CYP1A1: variants seen among roughly 807,000 people sequenced by gnomAD.
CYP1A1 encodes cytochrome P450 family 1 subfamily A member 1.
In CYP1A1, 43 loss-of-function variants were observed where a neutral mutation model predicts 33.6. That is an observed-to-expected ratio of 1.28 (90% CI 1.00 to 1.65). The LOEUF (loss-of-function observed/expected upper bound fraction) is 1.65. Ranked by LOEUF, CYP1A1 falls within the 40% of genes most tolerant of loss-of-function variation. CYP1A1 has a pLI of 0.00. For missense variants in CYP1A1, 637 were observed against 653.7 expected (o/e 0.97, Z 0.28); for synonymous variants, 280 against 257.8 (o/e 1.09, Z -0.83).
Position 74,721,404 on chromosome 15 carries a change from C to T in CYP1A1, c.1042+10G>A. The T allele has an allele frequency of 6.2e-7, 1 of 1,614,168 alleles. No homozygotes were observed. The highest frequency in any genetic ancestry group is 8.5e-7 in the Non-Finnish European group (1 of 1,180,004). ...TGGCACTGACCCCTTTGAAGGGAGC[C>T]ACTACCTACCTAGCTCCTCTTGGAT... is the stretch of plus-strand genomic sequence containing the variant. On this transcript the variant is annotated intron_variant, in intron 4 of 6. Coordinates refer to ENST00000379727, the MANE Select transcript of CYP1A1 (RefSeq NM_001319217.2).
At chr15:74,722,046 T>A (rs907497652) in intron 2 of CYP1A1, 8 of 596,762 alleles carry the variant, frequency 1.3e-5, no homozygotes, top group African/African-American at 1.3e-4. Flanking sequence ...CTGCATGTAA[T>A]GACTCTTCAG....
rs2141718103 is a variant in CYP1A1, at chr15:74,723,106, T to C, written c.-9A>G. The C allele has an allele frequency of 1.3e-6, 2 of 1,542,584 alleles. No homozygotes were observed. Among genetic ancestry groups the C allele is most frequent in the Middle Eastern group, 1.7e-4 (1 of 5,766 alleles). The stretch of plus-strand genomic sequence containing the variant: ...GAGATTGGGAAAAGCATGATCAGTG[T>C]AGGGATCTTGGAGGTGGCTGCTGAG... On this transcript the variant is annotated 5_prime_UTR_variant, in exon 2 of 7. Transcript: ENST00000379727.
intron 6 of CYP1A1, 76 bp downstream of exon 6, chr15:74,720,891 A>G: frequency 6.4e-7 from 1 of 1,565,824 alleles, no homozygotes; most frequent in Non-Finnish European, 8.8e-7. Flanking sequence ...AGGAGGATCA[A>G]TGCAATGATT....
Position 74,721,580 on chromosome 15 carries a change from G to A in CYP1A1, c.952+11C>T, listed in dbSNP as rs2141715430. ...CTTGAGCACAGGAAGGACACAATGG[G>A]GTAACCATACCAGCTCCAAAGAGGT... On this transcript the variant is annotated intron_variant, in intron 3 of 6. Coordinates refer to ENST00000379727, the MANE Select transcript of CYP1A1 (RefSeq NM_001319217.2). The A allele has an allele frequency of 6.2e-7, 1 of 1,614,132 alleles. No individual in the cohort carries two copies. The highest frequency in any genetic ancestry group is 2.2e-5 in the East Asian group (1 of 44,892).
chr15:74,723,650 G>C (rs1357790250), intron 1 of CYP1A1, among the ~76,000 whole-genome samples: 2 of 152,008 alleles, frequency 1.3e-5, no homozygotes, highest in Non-Finnish European at 2.9e-5. Flanking sequence ...CATAATCAAG[G>C]TGTATCACCC....
At position 74,722,551 on chromosome 15, in the gene CYP1A1, G is replaced by T; in HGVS notation, c.547C>A (p.His183Asn). ...TLQELMAGPG[H>N]FNPYRYVVVS... ...ACCACATACCTGTAGGGGTTAAAGTGCCCAGGCCCTGCCATCAGCTCCTGC... is the reference window on the plus strand; with the variant it reads ...ACCACATACCTGTAGGGGTTAAAGTTCCCAGGCCCTGCCATCAGCTCCTGC... Residue 183 changes from histidine (H) to asparagine (N), a missense_variant, in exon 2 of 7, where the codon CAC becomes AAC. By Grantham distance (68) the His-to-Asn change is moderately conservative. Transcript: ENST00000379727. 1 of 1,613,954 alleles carries T rather than the reference G, an allele frequency of 6.2e-7. No individual in the cohort carries two copies. Among genetic ancestry groups the T allele is most frequent in the Non-Finnish European group, 8.5e-7 (1 of 1,179,974 alleles).
In CYP1A1 at chr15:74,720,586, C is replaced by G. The variant is rs1330666981; in HGVS notation, c.1442G>C (p.Ser481Thr). 4 of 1,613,778 alleles carry G rather than the reference C, an allele frequency of 2.5e-6. No individual in the cohort carries two copies. The highest frequency in any genetic ancestry group is 3.4e-6 in the Non-Finnish European group (4 of 1,179,886). The change falls in exon 7 of 7, where the codon AGC becomes ACC. Residue 481 changes from serine (S) to threonine (T), a missense_variant. Transcript: ENST00000379727. ...LAILLQRVEFSVPLGVKVDMT... is the reference protein window; with the variant it reads ...LAILLQRVEFTVPLGVKVDMT... ...GTCCACCTTCACGCCCAGTGGCACG[C>G]TGAATTCCACCCGTTGCAGCAGGAT...
At chr15:74,723,790 C>T (rs972032812) in intron 1 of CYP1A1, among the ~76,000 whole-genome samples, 3 of 152,158 alleles carry the variant, frequency 2.0e-5, no homozygotes, top group African/African-American at 7.2e-5. Context: ...CAATCAGTGA[C>T]AGAGCCAGGA....
intron 5 of CYP1A1, 41 bp from the exon 6 acceptor site, chr15:74,721,094 C>T (rs768538462): frequency 1.2e-5 from 20 of 1,611,512 alleles, no homozygotes; most frequent in Non-Finnish European, 1.4e-5. Context: ...GGGCAACAGG[C>T]AAATCTCCCT....
intron 1 of CYP1A1, among the ~76,000 whole-genome samples, chr15:74,724,270 G>A (rs2063197330): frequency 6.6e-6 from 1 of 152,102 alleles, no homozygotes; most frequent in Admixed American, 6.5e-5. Context: ...GGAAACTGAG[G>A]CAATACTTTC....
At chr15:74,721,144 T>C in intron 5 of CYP1A1, 55 bp downstream of exon 5, 1 of 1,608,166 alleles carries the variant, frequency 6.2e-7, no homozygotes, top group African/African-American at 1.3e-5. Flanking sequence ...CCTAATCAGG[T>C]ATGTGGTCCG....
At chr15:74,723,205 G>T in intron 1 of CYP1A1, 79 bp from the exon 2 acceptor site, 1 of 818,684 alleles carries the variant, frequency 1.2e-6, no homozygotes, top group Non-Finnish European at 1.9e-6. Flanking sequence ...GAGTGTCAGG[G>T]AAAGGGGAAA....
rs199985203 is a variant in CYP1A1 at position 74,722,525 on chromosome 15, C to T, written c.573G>A (p.Val191=). The change falls in exon 2 of 7, where the codon GTG becomes GTA. Residue 191 remains valine (V), a synonymous_variant. Coordinates refer to ENST00000379727, the MANE Select transcript of CYP1A1 (RefSeq NM_001319217.2). ...PGHFNPYRYV[V]VSVTNVICAI... ...CACAGATGACATTGGTCACTGATAC[C>T]ACCACATACCTGTAGGGGTTAAAGT... 3.1e-6 allele frequency: 5 copies of T among 1,614,116 alleles called. No individual in the cohort carries two copies. In the African/African-American group the frequency reaches 5.3e-5, roughly 17 times the overall value.
Position 74,722,795 on chromosome 15 carries a change from A to T in CYP1A1, c.303T>A (p.Asp101Glu), listed in dbSNP as rs1243352948. 4 of 1,613,110 alleles carry T rather than the reference A, an allele frequency of 2.5e-6. No individual in the cohort carries two copies. Among genetic ancestry groups the T allele is most frequent in the Non-Finnish European group, 3.4e-6 (4 of 1,179,852 alleles). ...TIRQALVRQGDDFKGRPDLYT... is the reference protein window; with the variant it reads ...TIRQALVRQGEDFKGRPDLYT... ...AGAGGTCGGGCCGGCCCTTGAAATC[A>T]TCGCCCTGCCGCACCAGGGCCTGCC... Residue 101 changes from aspartate (D) to glutamate (E), a missense_variant, in exon 2 of 7, where the codon GAT (aspartate) becomes GAA (glutamate). Asp to Glu is a conservative substitution (Grantham distance 45). Transcript: ENST00000379727.
intron 2 of CYP1A1, 119 bp from the exon 3 acceptor site, chr15:74,721,836 T>A: frequency 7.5e-7 from 1 of 1,337,384 alleles, no homozygotes. Flanking sequence ...CCCCTGAGGC[T>A]GTTGTCCCAG....
At position 74,722,557 on chromosome 15, in the gene CYP1A1, G is replaced by A. The variant is rs1368696580; in HGVS notation, c.541C>T (p.Pro181Ser). Residue 181 changes from proline to serine, a missense_variant, in exon 2 of 7, where the codon CCT becomes TCT. Transcript: ENST00000379727. ...ISTLQELMAG[P>S]GHFNPYRYVV... ...TACCTGTAGGGGTTAAAGTGCCCAGGCCCTGCCATCAGCTCCTGCAACGTG... is the reference window on the plus strand; with the variant it reads ...TACCTGTAGGGGTTAAAGTGCCCAGACCCTGCCATCAGCTCCTGCAACGTG... 1 of 1,614,186 alleles carries A rather than the reference G, an allele frequency of 6.2e-7. No individual in the cohort carries two copies. The highest frequency in any genetic ancestry group is 1.7e-5 in the Admixed American group (1 of 60,030).
In CYP1A1 at chr15:74,722,755, T is replaced by C. The variant is rs779581749; in HGVS notation, c.343A>G (p.Ile115Val). ...AAGGACATGCTCTGACCATTACTGA[T>C]GAGGGTGAAGGTGTAGAGGTCGGGC... is the stretch of plus-strand genomic sequence containing the variant. ...GRPDLYTFTL[I>V]SNGQSMSFSP... Residue 115 changes from isoleucine (I) to valine (V), a missense_variant, in exon 2 of 7, where the codon ATC becomes GTC. Transcript: ENST00000379727. 1 of 1,613,608 alleles carries C rather than the reference T, an allele frequency of 6.2e-7. No individual in the cohort carries two copies. Among genetic ancestry groups the C allele is most frequent in the Non-Finnish European group, 8.5e-7 (1 of 1,180,016 alleles).
rs1221043357 is a variant in CYP1A1 at position 74,720,330 on chromosome 15, G to A, written c.*159C>T. Reference sequence around the variant, plus strand: ...GGCAAGTCCAGGGTAGGGGCAGGCAGGATCCCTTAGGCTTGCCCACAGCCC... The same window carrying A: ...GGCAAGTCCAGGGTAGGGGCAGGCAAGATCCCTTAGGCTTGCCCACAGCCC... On this transcript the variant is annotated 3_prime_UTR_variant, in exon 7 of 7. Transcript: ENST00000379727. 9 of 735,282 alleles carry A rather than the reference G, an allele frequency of 1.2e-5. No homozygotes were observed. The highest frequency in any genetic ancestry group is 1.8e-5 in the African/African-American group (1 of 56,122). 45.5% of individuals were successfully genotyped at this position (735,282 alleles called of 1,614,324 possible).
chr15:74,722,795 A>C lies in CYP1A1; in HGVS notation c.303T>G (p.Asp101Glu). ...AGAGGTCGGGCCGGCCCTTGAAATC[A>C]TCGCCCTGCCGCACCAGGGCCTGCC... is the stretch of plus-strand genomic sequence containing the variant. ...TIRQALVRQGDDFKGRPDLYT... is the reference protein window; with the variant it reads ...TIRQALVRQGEDFKGRPDLYT... Residue 101 changes from aspartate (D) to glutamate (E), a missense_variant, in exon 2 of 7, where the codon GAT (aspartate) becomes GAG (glutamate). Transcript: ENST00000379727. 6.2e-7 allele frequency: 1 copy of C among 1,613,224 alleles called. No individual in the cohort carries two copies. Among genetic ancestry groups the C allele is most frequent in the Non-Finnish European group, 8.5e-7 (1 of 1,179,844 alleles).
Sources: allele counts gnomAD v4.1 joint callset (sites outside exome capture counted in the v4.1 genomes callset), GRCh38; gene constraint gnomAD v4.1.1; transcripts MANE v1.5; gene names NCBI Gene and HGNC (gene_info 2026-07-23, HGNC 2026-07-21).